Variants in CRYBG1 observed in about 807,000 individuals in gnomAD.
The protein encoded by CRYBG1 is crystallin beta-gamma domain containing 1.
In CRYBG1, 139 loss-of-function variants were observed where a neutral mutation model predicts 189.2. The observed-to-expected ratio is 0.73, with a 90% confidence interval of 0.64 to 0.85. CRYBG1 has a LOEUF of 0.85. Ranked by LOEUF, CRYBG1 falls within the 40% of genes least tolerant of loss-of-function variation. The pLI, the probability that CRYBG1 is intolerant of heterozygous loss-of-function variation, is 0.00. For missense variants in CRYBG1, 2,611 were observed against 2,675.8 expected (o/e 0.98, Z 0.53); for synonymous variants, 1,023 against 1,017.1 (o/e 1.01, Z -0.11).
intron 2 of CRYBG1, among the ~76,000 whole-genome samples, chr6:106,471,488 A>G (rs938931981): frequency 2.6e-5 from 4 of 152,198 alleles, no homozygotes; most frequent in African/African-American, 9.6e-5. Flanking sequence ...AGTCTCCTCT[A>G]TAAATTATTC....
chr6:106,438,361 C>T (rs958240113), intron 1 of CRYBG1, among the ~76,000 whole-genome samples: 31 of 152,138 alleles, frequency 2.0e-4, no homozygotes, highest in Admixed American at 1.7e-3. Flanking sequence ...AACAAGTTGC[C>T]GTAAACATGG....
At chr6:106,482,610 C>G (rs1365957733) in intron 2 of CRYBG1, among the ~76,000 whole-genome samples, 4 of 151,958 alleles carry the variant, frequency 2.6e-5, no homozygotes, top group African/African-American at 9.7e-5. Context: ...CCCGTCTCTA[C>G]TAAAAATACA....
At chr6:106,437,197 T>C (rs1400853859) in intron 1 of CRYBG1, among the ~76,000 whole-genome samples, 1 of 152,224 alleles carries the variant, frequency 6.6e-6, no homozygotes, top group African/African-American at 2.4e-5. Context: ...AATATTTTCA[T>C]TAACCCTTTA....
At chr6:106,452,908 A>T (rs146946754) in intron 2 of CRYBG1, among the ~76,000 whole-genome samples, 1 of 152,328 alleles carries the variant, frequency 6.6e-6, no homozygotes, top group African/African-American at 2.4e-5. Flanking sequence ...TGTATAATAC[A>T]TTTCTTGTTA....
At chr6:106,494,535 C>A (rs1772800291) in intron 2 of CRYBG1, among the ~76,000 whole-genome samples, 1 of 152,142 alleles carries the variant, frequency 6.6e-6, no homozygotes, top group South Asian at 2.1e-4. Context: ...AACATTTTTT[C>A]TTGATGTACA....
intron 1 of CRYBG1, among the ~76,000 whole-genome samples, chr6:106,445,812 C>G (rs9320165): frequency 6.6e-6 from 1 of 152,102 alleles, no homozygotes; most frequent in Non-Finnish European, 1.5e-5. Context: ...AGAAAAAATA[C>G]AAATTTGAAG....
intron 2 of CRYBG1, among the ~76,000 whole-genome samples, chr6:106,482,202 G>A (rs930829997): frequency 6.6e-6 from 1 of 152,224 alleles, no homozygotes; most frequent in African/African-American, 2.4e-5. Flanking sequence ...ATAGCAACTT[G>A]CTTCTTGAAG....
rs1231892671 is a variant in CRYBG1 at position 106,512,180 on chromosome 6, G to A, written c.1063G>A (p.Ala355Thr). 6.5e-7 allele frequency: 1 copy of A among 1,535,148 alleles called. No homozygotes were observed. ...EPPAEGAAHT[A>T]SSAQADCTAR... ...TCCGGCCGAGGGCGCAGCGCACACG[G>A]CCAGCTCCGCGCAGGCAGACTGCAC... The change falls in exon 3 of 22, where the codon GCC (alanine) becomes ACC (threonine). Residue 355 changes from alanine (A) to threonine (T), a missense_variant. Ala to Thr is a moderately conservative substitution (Grantham distance 58). Around this residue, in one of 3 missense-constraint regions of CRYBG1, gnomAD observed 985 missense variants for 924.4 expected, o/e 1.07. Coordinates refer to ENST00000633556, the MANE Select transcript of CRYBG1 (RefSeq NM_001371242.2).
At position 106,483,402 on chromosome 6, in the gene CRYBG1, A is replaced by ATAT. The variant is rs1361096436; in HGVS notation, c.313-28028_313-28027insTAT. 1.5e-4 allele frequency among the ~76,000 whole-genome samples: 13 copies of ATAT among 88,344 alleles called. 1 individual carries two copies. Among genetic ancestry groups the ATAT allele is most frequent in the East Asian group, 1.2e-3 (3 of 2,516 alleles). 58.0% of individuals were successfully genotyped at this position (88,344 alleles called of 152,430 possible). On this transcript the variant is annotated intron_variant, in intron 2 of 21. Coordinates refer to ENST00000633556, the MANE Select transcript of CRYBG1 (RefSeq NM_001371242.2). ...TGTATATATATATAGATATATATAT[A>ATAT]AAACATTTTCTTTATCTACTTATTT...
At chr6:106,486,131 G>T (rs1036812253) in intron 2 of CRYBG1, among the ~76,000 whole-genome samples, 2 of 152,198 alleles carry the variant, frequency 1.3e-5, no homozygotes, top group Admixed American at 6.5e-5. Flanking sequence ...CTTTCGTTGT[G>T]TCCCACAGGT....
intron 1 of CRYBG1, among the ~76,000 whole-genome samples, chr6:106,437,796 A>G (rs1415472284): frequency 6.6e-6 from 1 of 152,092 alleles, no homozygotes; most frequent in Non-Finnish European, 1.5e-5. Flanking sequence ...TTCCCTTCTA[A>G]TATGCCATAA....
At position 106,517,473 on chromosome 6, in the gene CRYBG1, CAT is replaced by C. The variant is rs982374335; in HGVS notation, c.1923-1648_1923-1647del. Reference sequence around the variant, plus strand: ...ACACACATATATATATACACACACACATATATATATACACACACACACACATA... The same window carrying C: ...ACACACATATATATATACACACACACATATATATACACACACACACACATA... On this transcript the variant is annotated intron_variant, in intron 3 of 21. Transcript: ENST00000633556. Among the ~76,000 whole-genome samples, 761 of 145,610 alleles carry C rather than the reference CAT, an allele frequency of 5.2e-3. 8 individuals carry two copies. The highest frequency in any genetic ancestry group is 0.019 in the African/African-American group (734 of 39,578).
rs373500596 is a variant in CRYBG1, at chr6:106,520,224, C to T, written c.3016C>T (p.Gln1006Ter). 1 of 1,614,034 alleles carries T rather than the reference C, an allele frequency of 6.2e-7. No individual in the cohort carries two copies. Among genetic ancestry groups the T allele is most frequent in the Non-Finnish European group, 8.5e-7 (1 of 1,180,038 alleles). The change falls in exon 4 of 22, where the codon CAA (glutamine) becomes TAA (stop). Residue 1006 changes from glutamine (Q) to a stop codon, truncating the protein, a stop_gained. Coordinates refer to ENST00000633556, the MANE Select transcript of CRYBG1 (RefSeq NM_001371242.2). LOFTEE classifies it high-confidence loss of function. ...TTCCGTTGCAAGTTGTGCTCCCCCA[C>T]AAGAGGAAGTACTGGGCAATGAACA... ...VVSVASCAPPQEEVLGNEHSH... is the reference protein window; with the variant it reads ...VVSVASCAPP
intron 1 of CRYBG1, among the ~76,000 whole-genome samples, chr6:106,409,065 A>C (rs1338061786): frequency 1.3e-5 from 2 of 152,236 alleles, no homozygotes; most frequent in Non-Finnish European, 2.9e-5. Context: ...TTCAAATAGG[A>C]AGAGGGGAAG....
chr6:106,445,395 A>G (rs747398392), intron 1 of CRYBG1, among the ~76,000 whole-genome samples: 14 of 152,200 alleles, frequency 9.2e-5, no homozygotes, highest in Non-Finnish European at 1.6e-4. Flanking sequence ...CTGGGCCTCA[A>G]TGAACTCATC....
chr6:106,565,070 A>G (rs1774840691), intron 21 of CRYBG1, among the ~76,000 whole-genome samples: 1 of 152,192 alleles, frequency 6.6e-6, no homozygotes, highest in South Asian at 2.1e-4. Flanking sequence ...CTGTAATCCC[A>G]GCACTTTGGG....
intron 2 of CRYBG1, among the ~76,000 whole-genome samples, chr6:106,465,159 T>A (rs1451094646): frequency 6.6e-6 from 1 of 152,216 alleles, no homozygotes; most frequent in East Asian, 1.9e-4. Flanking sequence ...TCCATATTAT[T>A]ATTCGGAAAT....
At chr6:106,372,480 G>GA (rs1458250021) in intron 1 of CRYBG1, among the ~76,000 whole-genome samples, 5 of 152,134 alleles carry the variant, frequency 3.3e-5, no homozygotes, top group African/African-American at 1.2e-4. Context: ...TCAAACTCCT[G>GA]ACCTCAGGTG....
intron 2 of CRYBG1, among the ~76,000 whole-genome samples, chr6:106,486,553 T>C (rs1473110751): frequency 6.6e-6 from 1 of 152,184 alleles, no homozygotes; most frequent in Non-Finnish European, 1.5e-5. Flanking sequence ...ATGATTACTG[T>C]ATTGCAATCT....
Sources: gnomAD v4.1 joint callset for allele counts (sites outside exome capture counted in the v4.1 genomes callset) on GRCh38, gnomAD v4.1.1 for gene constraint, gnomAD v4.1.1 regional missense constraint, MANE v1.5 for transcripts, NCBI Gene and HGNC (gene_info 2026-07-23, HGNC 2026-07-21) for gene names.